Variants in GAS7 observed in about 807,000 individuals in gnomAD.
GAS7 encodes growth arrest-specific protein 7.
In GAS7, 28 loss-of-function variants were observed where a neutral mutation model predicts 71.1. The ratio of observed to expected loss-of-function variants is 0.39; its 90% CI spans 0.29 to 0.54. The LOEUF is 0.54. Among genes scored for constraint, GAS7 ranks in the 20% least tolerant of loss-of-function variants. The pLI is 0.62. For missense variants in GAS7, 436 were observed against 627.8 expected (o/e 0.69, Z 3.27); for synonymous variants, 258 against 245.8 (o/e 1.05, Z -0.46).
chr17:10,013,595 G>A (rs555289516), intron 2 of GAS7, among the ~76,000 whole-genome samples: 25 of 152,338 alleles, frequency 1.6e-4, no homozygotes, highest in Admixed American at 9.8e-4. Flanking sequence ...AGCATGCTCT[G>A]ATGGCATTGG....
At chr17:10,113,227 G>C (rs757735026) in intron 1 of GAS7, among the ~76,000 whole-genome samples, 1 of 152,148 alleles carries the variant, frequency 6.6e-6, no homozygotes, top group Non-Finnish European at 1.5e-5. Context: ...ACTCCTACTC[G>C]CTGCTAGCAG....
At chr17:10,035,058 C>G (rs749198596) in intron 1 of GAS7, among the ~76,000 whole-genome samples, 102 of 152,014 alleles carry the variant, frequency 6.7e-4, no homozygotes, top group Non-Finnish European at 5.3e-4. Context: ...GGGGGCAGCC[C>G]ACCAACAGCC....
chr17:9,982,957 G>A (rs2070491313), intron 2 of GAS7, among the ~76,000 whole-genome samples: 1 of 152,174 alleles, frequency 6.6e-6, no homozygotes, highest in Admixed American at 6.5e-5. Context: ...ACTGCCATGA[G>A]CAGAGACTTC....
At chr17:10,112,854 G>GA (rs1003051337) in intron 1 of GAS7, among the ~76,000 whole-genome samples, 4 of 151,316 alleles carry the variant, frequency 2.6e-5, no homozygotes, top group African/African-American at 9.7e-5. Flanking sequence ...GAAAAGAAAA[G>GA]AAAAAAAGAA....
In GAS7 at chr17:9,915,911, A is replaced by C. The variant is rs1302155527; in HGVS notation, c.*1317T>G. 4.3e-6 allele frequency: 1 copy of C among 232,434 alleles called. No homozygotes were observed. Among genetic ancestry groups the C allele is most frequent in the Non-Finnish European group, 8.5e-6 (1 of 117,642 alleles). The allele number at this position is 232,434 out of a possible 1,614,324, so 14.4% of individuals were successfully genotyped here. ...GTAATGAGCTGGGCCAAACAGCAGCACTGAAAGCTTCCCAAGTCACACTCA... is the reference window on the plus strand; with the variant it reads ...GTAATGAGCTGGGCCAAACAGCAGCCCTGAAAGCTTCCCAAGTCACACTCA... On this transcript the variant is annotated 3_prime_UTR_variant, in exon 14 of 14. Transcript: ENST00000432992.
intron 1 of GAS7, among the ~76,000 whole-genome samples, chr17:10,024,461 CA>C (rs2072390025): frequency 6.6e-6 from 1 of 152,178 alleles, no homozygotes; most frequent in Non-Finnish European, 1.5e-5. Context: ...GCAGAGGTGA[CA>C]CAGGCCCGGG....
At chr17:9,924,940 T>C (rs138957915) in intron 11 of GAS7, among the ~76,000 whole-genome samples, 109 of 152,332 alleles carry the variant, frequency 7.2e-4, no homozygotes, top group African/African-American at 2.6e-3. Flanking sequence ...ACCAACTCAT[T>C]GGGAGACTAT....
At chr17:10,187,600 T>C (rs2074465181) in intron 1 of GAS7, among the ~76,000 whole-genome samples, 1 of 152,252 alleles carries the variant, frequency 6.6e-6, no homozygotes, top group South Asian at 2.1e-4. Flanking sequence ...TTGTACCGTA[T>C]GCTTTTTGGT....
chr17:10,000,273 A>G (rs7224973), intron 2 of GAS7, among the ~76,000 whole-genome samples: 23,598 of 152,228 alleles, frequency 0.16, 2,388 homozygotes, highest in African/African-American at 0.29. Context: ...GTTCCCAGGT[A>G]ACGCTGATGC....
chr17:10,172,549 G>C (rs561121321), intron 1 of GAS7, among the ~76,000 whole-genome samples: 11 of 152,178 alleles, frequency 7.2e-5, no homozygotes, highest in Admixed American at 4.6e-4. Flanking sequence ...AAAAGAAACA[G>C]AAAGGGAGAC....
At chr17:10,180,264 C>T (rs2074404086) in intron 1 of GAS7, among the ~76,000 whole-genome samples, 1 of 149,810 alleles carries the variant, frequency 6.7e-6, no homozygotes, top group South Asian at 2.1e-4. Flanking sequence ...TCGCTTGAAC[C>T]CGAGAGGCGG....
intron 1 of GAS7, among the ~76,000 whole-genome samples, chr17:10,171,671 G>A (rs998532289): frequency 1.1e-4 from 17 of 152,172 alleles, no homozygotes; most frequent in African/African-American, 4.1e-4. Context: ...ATAAAAACCA[G>A]GCAGTCCGTG....
chr17:10,194,244 T>C (rs1371898688), intron 1 of GAS7, among the ~76,000 whole-genome samples: 1 of 152,248 alleles, frequency 6.6e-6, no homozygotes, highest in East Asian at 1.9e-4. Flanking sequence ...AGCTCTATTT[T>C]GTTTGCATTC....
At chr17:10,088,946 T>G (rs1379912676) in intron 1 of GAS7, among the ~76,000 whole-genome samples, 1 of 151,152 alleles carries the variant, frequency 6.6e-6, no homozygotes, top group African/African-American at 2.4e-5. Context: ...TCACCTGAGG[T>G]CAGGAGTTCG....
intron 1 of GAS7, among the ~76,000 whole-genome samples, chr17:10,022,820 G>T (rs1219110917): frequency 6.6e-6 from 1 of 152,156 alleles, no homozygotes; most frequent in Admixed American, 6.6e-5. Flanking sequence ...ACTTCTCTGA[G>T]GTTTCTGTTT....
chr17:10,144,883 C>A (rs770029782), intron 1 of GAS7, among the ~76,000 whole-genome samples: 6 of 152,208 alleles, frequency 3.9e-5, no homozygotes, highest in African/African-American at 7.2e-5. Context: ...TCTTTTATGT[C>A]TTTGAGCTAG....
intron 1 of GAS7, among the ~76,000 whole-genome samples, chr17:10,081,308 C>T (rs1398225201): frequency 3.3e-5 from 5 of 151,310 alleles, no homozygotes; most frequent in Non-Finnish European, 5.9e-5. Context: ...GCATGTGCCA[C>T]CACACCCAGC....
intron 1 of GAS7, among the ~76,000 whole-genome samples, chr17:10,128,903 G>A (rs1031426977): frequency 3.3e-5 from 5 of 152,270 alleles, no homozygotes; most frequent in African/African-American, 4.8e-5. Context: ...GATTACAGGC[G>A]TGAGTCACTG....
intron 1 of GAS7, among the ~76,000 whole-genome samples, chr17:10,128,744 C>G (rs903888671): frequency 1.3e-5 from 2 of 151,836 alleles, no homozygotes; most frequent in Non-Finnish European, 2.9e-5. Flanking sequence ...CTCAGCCTCC[C>G]GAGTAGCTGG....
Sources: gnomAD v4.1 joint callset for allele counts (sites outside exome capture counted in the v4.1 genomes callset) on GRCh38, gnomAD v4.1.1 for gene constraint, MANE v1.5 for transcripts, NCBI Gene and HGNC (gene_info 2026-07-23, HGNC 2026-07-21) for gene names.